The following SETX variants were observed in gnomAD, a reference collection of about 807,000 sequenced individuals.
SETX encodes the protein senataxin, also known as helicase senataxin.
Under a neutral mutation model 227.2 loss-of-function variants are expected in SETX, and 90 were observed. The ratio of observed to expected loss-of-function variants is 0.40; its 90% confidence interval spans 0.33 to 0.47. The LOEUF (loss-of-function observed/expected upper bound fraction) is 0.47, where lower values mean the gene tolerates loss of function less well. SETX is among the 20% of genes least tolerant of loss of function. The pLI, the probability that SETX is intolerant of heterozygous loss-of-function variation, is 0.91. For synonymous variants in SETX, 1,210 were observed against 1,113.2 expected (o/e 1.09, Z -1.73); for missense variants, 3,052 against 3,181.5 (o/e 0.96, Z 0.98).
At chr9:132,325,588 C>G (rs1183767) in intron 10 of SETX, among the ~76,000 whole-genome samples, 136,718 of 152,178 alleles carry the variant, frequency 0.9, 61,498 homozygotes, top group Non-Finnish European at 0.92. Flanking sequence ...GTTACCTCTG[C>G]ACTTGGTATA....
chr9:132,311,554 A>T (rs1845656903), intron 11 of SETX, among the ~76,000 whole-genome samples: 1 of 152,116 alleles, frequency 6.6e-6, no homozygotes, highest in African/African-American at 2.4e-5. Context: ...TTCTAACTAC[A>T]GAGTGGGGAA....
intron 20 of SETX, among the ~76,000 whole-genome samples, chr9:132,280,477 T>C (rs1028514915): frequency 1.3e-5 from 2 of 152,212 alleles, no homozygotes; most frequent in African/African-American, 4.8e-5. Flanking sequence ...AGTTCTTCCC[T>C]ACACACACGG....
At chr9:132,343,019 T>C (rs1848075174) in intron 4 of SETX, among the ~76,000 whole-genome samples, 1 of 152,172 alleles carries the variant, frequency 6.6e-6, no homozygotes, top group East Asian at 1.9e-4. Flanking sequence ...TCTGACCTTA[T>C]TAGAATAGAT....
intron 5 of SETX, among the ~76,000 whole-genome samples, chr9:132,341,158 C>A (rs7847936): frequency 0.15 from 23,115 of 152,016 alleles, 2,392 homozygotes; most frequent in East Asian, 0.43. Flanking sequence ...ACCAGCCTGG[C>A]CAACCTGGTG....
In SETX at chr9:132,261,410, A is replaced by C. The variant is rs938803221; in HGVS notation, c.*2829T>G. The C allele has an allele frequency of 6.6e-6, 1 of 152,276 alleles. No individual in the cohort carries two copies. The highest frequency in any genetic ancestry group is 1.5e-5 in the Non-Finnish European group (1 of 68,056). The allele number at this position is 152,276 out of a possible 1,614,324, so 9.4% of individuals were successfully genotyped here. Reference sequence around the variant, plus strand: ...GCACAAATCCCCACCAAGTAATTTCAGCATAAAGCAAACCAAATGGCAGAC... The same window carrying C: ...GCACAAATCCCCACCAAGTAATTTCCGCATAAAGCAAACCAAATGGCAGAC... On this transcript the variant is annotated 3_prime_UTR_variant, in exon 26 of 26. Coordinates refer to ENST00000224140, the MANE Select transcript of SETX (RefSeq NM_015046.7).
chr9:132,276,147 C>G, intron 22 of SETX, among the ~76,000 whole-genome samples: 1 of 152,186 alleles, frequency 6.6e-6, no homozygotes, highest in East Asian at 1.9e-4. Context: ...CCTTGCTTTA[C>G]GAGCCTTAAA....
At chr9:132,354,618 A>C (rs1848804594) in intron 1 of SETX, among the ~76,000 whole-genome samples, 1 of 151,852 alleles carries the variant, frequency 6.6e-6, no homozygotes, top group African/African-American at 2.4e-5. Flanking sequence ...GCCCCAAGGA[A>C]ACTACGCAGT....
At chr9:132,286,838 T>C (rs985315644) in intron 17 of SETX, among the ~76,000 whole-genome samples, 2 of 152,226 alleles carry the variant, frequency 1.3e-5, no homozygotes, top group African/African-American at 4.8e-5. Flanking sequence ...TGGCCAATCA[T>C]GCACCCATCT....
At chr9:132,310,889 G>A (rs779167128) in intron 11 of SETX, among the ~76,000 whole-genome samples, 8 of 152,252 alleles carry the variant, frequency 5.3e-5, no homozygotes, top group African/African-American at 1.9e-4. Context: ...TCTTCCTTAT[G>A]ATTTTAGTTT....
rs139479982 is a variant in SETX at position 132,328,265 on chromosome 9, C to G, written c.3333G>C (p.Leu1111Phe). The part of the protein sequence containing the change: ...NSVQDGEKKC[L>F]APIANTTNGQ... ...CATTTGTAGTATTGGCTATAGGAGC[C>G]AAACATTTTTTCTCACCATCTTGAA... The change falls in exon 10 of 26, where the codon TTG (leucine) becomes TTC (phenylalanine). Residue 1111 changes from leucine to phenylalanine, a missense_variant. By Grantham distance (22) the Leu-to-Phe change is conservative. Transcript: ENST00000224140. 6.2e-6 allele frequency: 10 copies of G among 1,614,018 alleles called. No homozygotes were observed. In the African/African-American group the frequency reaches 1.2e-4, roughly 19 times the overall value.
Position 132,328,223 on chromosome 9 carries a change from AT to A in SETX, c.3374del (p.Asp1125ValfsTer33). ...CTTTTTTAACAACTTCAGATACATA[AT>A]CTGTACAACCCTGACCATTTGTAGT... ...ANTTNGQGCT[D>X]YVSEVVKKGA... On this transcript the variant is annotated frameshift_variant, in exon 10 of 26. Coordinates refer to ENST00000224140, the MANE Select transcript of SETX (RefSeq NM_015046.7). LOFTEE classifies it high-confidence loss of function. 1 of 1,614,138 alleles carries A rather than the reference AT, an allele frequency of 6.2e-7. No homozygotes were observed. Among genetic ancestry groups the A allele is most frequent in the Non-Finnish European group, 8.5e-7 (1 of 1,180,028 alleles).
intron 23 of SETX, among the ~76,000 whole-genome samples, chr9:132,273,052 G>A (rs1842974223): frequency 6.6e-6 from 1 of 151,840 alleles, no homozygotes; most frequent in South Asian, 2.1e-4. Context: ...GGGCAACTTA[G>A]GAAGACCTTG....
chr9:132,270,383 T>C (rs926953929), intron 24 of SETX, among the ~76,000 whole-genome samples: 2 of 150,340 alleles, frequency 1.3e-5, no homozygotes, highest in African/African-American at 4.9e-5. Context: ...AGATGGACTC[T>C]AGAATGACTC....
intron 19 of SETX, 31 bp from the exon 20 acceptor site, chr9:132,281,605 T>TTG (rs1265917618): frequency 6.9e-7 from 1 of 1,445,028 alleles, no homozygotes. Flanking sequence ...AGAGGCAGTC[T>TTG]TAACAATCTT....
At position 132,336,623 on chromosome 9, in the gene SETX, CAT is replaced by C. The variant is rs1346835686; in HGVS notation, c.499-110_499-109del. 10 of 841,824 alleles carry C rather than the reference CAT, an allele frequency of 1.2e-5. No homozygotes were observed. The African/African-American group carries it at 1.4e-4, about 11-fold the overall frequency. 52.1% of individuals were successfully genotyped at this position (841,824 alleles called of 1,614,324 possible). On this transcript the variant is annotated intron_variant, in intron 5 of 25. Coordinates refer to ENST00000224140, the MANE Select transcript of SETX (RefSeq NM_015046.7). ...TCTGCATATTTTAAAAGACATGTGA[CAT>C]ATTAATTAATGCAATGTGTGGACCT...
At position 132,336,422 on chromosome 9, in the gene SETX, TA is replaced by T; in HGVS notation, c.591del (p.Phe197LeufsTer9). The T allele has an allele frequency of 6.2e-7, 1 of 1,613,984 alleles. No homozygotes were observed. Among genetic ancestry groups the T allele is most frequent in the South Asian group, 1.1e-5 (1 of 91,084 alleles). On this transcript the variant is annotated frameshift_variant, in exon 6 of 26. Coordinates refer to ENST00000224140, the MANE Select transcript of SETX (RefSeq NM_015046.7). LOFTEE classifies it high-confidence loss of function. ...TCTAAAAGCCCCAACTCAATGACTTTAAAAAGGCAAAGTAAAACTTCTTGTA... is the reference window on the plus strand; with the variant it reads ...TCTAAAAGCCCCAACTCAATGACTTTAAAAGGCAAAGTAAAACTTCTTGTA... ...YDLQEVLLCL[F>X]KVIELGLLES...
chr9:132,281,316 A>T (rs1589632133), intron 20 of SETX, 151 bp downstream of exon 20: 5 of 636,284 alleles, frequency 7.9e-6, no homozygotes, highest in East Asian at 2.8e-5. Flanking sequence ...GCATTTTTTA[A>T]AATTTATTAA....
chr9:132,326,764 T>C lies in SETX; in HGVS notation c.4834A>G (p.Lys1612Glu). The C allele has an allele frequency of 6.2e-7, 1 of 1,614,240 alleles. No individual in the cohort carries two copies. Among genetic ancestry groups the C allele is most frequent in the Non-Finnish European group, 8.5e-7 (1 of 1,180,042 alleles). ...AGTGCTGAAGAAGTTTCCAAAGATT[T>C]AGAAAGACCAGCAATTCGTGAAGTA... ...KSTSRIAGLS[K>E]SLETSSALSP... Residue 1612 changes from lysine to glutamate, a missense_variant, in exon 10 of 26, where the codon AAA (lysine) becomes GAA (glutamate). By Grantham distance (56) the Lys-to-Glu change is moderately conservative. Coordinates refer to ENST00000224140, the MANE Select transcript of SETX (RefSeq NM_015046.7).
chr9:132,337,243 GATTC>G (rs1564557696), intron 5 of SETX, among the ~76,000 whole-genome samples: 1 of 151,808 alleles, frequency 6.6e-6, no homozygotes. Flanking sequence ...GATTATGGGG[GATTC>G]ATTACACCAT....
Sources: gnomAD v4.1 joint callset for allele counts (sites outside exome capture counted in the v4.1 genomes callset) on GRCh38, gnomAD v4.1.1 for gene constraint, MANE v1.5 for transcripts, NCBI Gene and HGNC (gene_info 2026-07-23, HGNC 2026-07-21) for gene names.